The following CCDC171 variants were observed in gnomAD, a reference collection of about 807,000 sequenced individuals.
The protein encoded by CCDC171 is coiled-coil domain-containing protein 171.
CCDC171 carries 177 observed loss-of-function variants against 168.2 expected under a neutral mutation model. That is an observed-to-expected ratio of 1.05 (90% CI 0.93 to 1.19). The LOEUF (loss-of-function observed/expected upper bound fraction) is 1.19. Among genes scored for constraint, CCDC171 ranks in the 50% most tolerant of loss-of-function variants. CCDC171 has a pLI of 0.00. For synonymous variants in CCDC171, 687 were observed against 540.8 expected (o/e 1.27, Z -3.75); for missense variants, 1,991 against 1,539.0 (o/e 1.29, Z -4.91).
At chr9:15,851,253 A>C (rs1457975863) in intron 23 of CCDC171, among the ~76,000 whole-genome samples, 1 of 151,988 alleles carries the variant, frequency 6.6e-6, no homozygotes, top group Non-Finnish European at 1.5e-5. Context: ...TATTATTTTC[A>C]AAATTCCATT....
chr9:15,929,899 G>A lies in CCDC171; in HGVS notation c.3753+9477G>A, dbSNP rs112972305. Among the ~76,000 whole-genome samples the A allele has an allele frequency of 7.0e-3, 1,060 of 151,656 alleles. 9 individuals are homozygous for A. Among genetic ancestry groups the A allele is most frequent in the Non-Finnish European group, 9.7e-3 (660 of 67,752 alleles). On this transcript the variant is annotated intron_variant, in intron 25 of 25. Transcript: ENST00000380701. ...TGAGTTTTTTACCATTGACATTCTG[G>A]CATATTCTGACTCCTTCTGGTTTTT...
At chr9:15,769,846 C>T (rs1270811369) in intron 18 of CCDC171, among the ~76,000 whole-genome samples, 2 of 152,170 alleles carry the variant, frequency 1.3e-5, no homozygotes, top group African/African-American at 4.8e-5. Flanking sequence ...TTTGAAATAG[C>T]AGCCTTAAGC....
intron 1 of CCDC171, among the ~76,000 whole-genome samples, chr9:16,049,640 T>C (rs563811712): frequency 2.0e-5 from 3 of 152,132 alleles, no homozygotes; most frequent in African/African-American, 7.2e-5. Flanking sequence ...GACTGAGAGA[T>C]ACACCATCTG....
At position 15,819,878 on chromosome 9, in the gene CCDC171, A is replaced by G. The variant is rs1230094336; in HGVS notation, c.3268-26824A>G. Among the ~76,000 whole-genome samples, 6 of 118,238 alleles carry G rather than the reference A, an allele frequency of 5.1e-5. 3 individuals are homozygous for G. Among genetic ancestry groups the G allele is most frequent in the Non-Finnish European group, 7.6e-5 (4 of 52,596 alleles). 77.6% of individuals were successfully genotyped at this position (118,238 alleles called of 152,430 possible). A position where few individuals can be genotyped will look rare whatever the true frequency, so the allele number is the denominator to read the frequency against. ...ACAGAACTCTCCACCCCAAATCAAT[A>G]GAATACACATTCTTTTCAGCACCAC... On this transcript the variant is annotated intron_variant, in intron 21 of 25. Transcript: ENST00000380701.
rs143127625 is a variant in CCDC171 at position 15,889,848 on chromosome 9, A to G, written c.3600+15185A>G. 2.6e-3 allele frequency among the ~76,000 whole-genome samples: 397 copies of G among 152,310 alleles called. 2 individuals carry two copies. Among genetic ancestry groups the G allele is most frequent in the African/African-American group, 8.5e-3 (354 of 41,572 alleles). On this transcript the variant is annotated intron_variant, in intron 24 of 25. Transcript: ENST00000380701. The stretch of plus-strand genomic sequence containing the variant: ...GCTGGTATTCAGACAATTACTCTAG[A>G]TAGAGAGAGGAAGTCCTCTTGTTGT...
intron 21 of CCDC171, among the ~76,000 whole-genome samples, chr9:15,824,225 A>C (rs2059918410): frequency 6.6e-6 from 1 of 151,994 alleles, no homozygotes; most frequent in Admixed American, 6.6e-5. Context: ...ATATACATAC[A>C]CTCTACAGTT....
chr9:16,084,397 G>A, the CCDC171 span, among the ~76,000 whole-genome samples: 4 of 151,944 alleles, frequency 2.6e-5, no homozygotes, highest in Admixed American at 6.6e-5. Flanking sequence ...TTGGCATTCC[G>A]CACCTCTTCA....
chr9:15,824,228 C>G (rs531441294), intron 21 of CCDC171, among the ~76,000 whole-genome samples: 2 of 152,006 alleles, frequency 1.3e-5, no homozygotes, highest in South Asian at 2.1e-4. Context: ...TACATACACT[C>G]TACAGTTTAT....
intron 11 of CCDC171, among the ~76,000 whole-genome samples, chr9:15,702,997 G>A (rs2133906040): frequency 6.6e-6 from 1 of 151,912 alleles, no homozygotes; most frequent in East Asian, 1.9e-4. Flanking sequence ...TCCCTCTCCT[G>A]GGTTCAAGCG....
At chr9:15,604,411 T>C (rs2043076777) in intron 6 of CCDC171, among the ~76,000 whole-genome samples, 1 of 152,238 alleles carries the variant, frequency 6.6e-6, no homozygotes, top group Non-Finnish European at 1.5e-5. Context: ...TTTTTCCAGT[T>C]AATTTCACGT....
intron 4 of CCDC171, among the ~76,000 whole-genome samples, chr9:16,021,579 C>G (rs565652084): frequency 6.6e-6 from 1 of 152,244 alleles, no homozygotes; most frequent in Admixed American, 6.5e-5. Flanking sequence ...CAATAAATTG[C>G]TTAATCTCTC....
At chr9:16,108,493 G>A in the CCDC171 span, among the ~76,000 whole-genome samples, 97 of 152,228 alleles carry the variant, frequency 6.4e-4, no homozygotes, top group Non-Finnish European at 1.0e-3. Context: ...GCTCTGTGCC[G>A]CCCATAGGCA....
intron 6 of CCDC171, among the ~76,000 whole-genome samples, chr9:15,620,066 T>C (rs1042134272): frequency 1.3e-5 from 2 of 152,236 alleles, no homozygotes; most frequent in Non-Finnish European, 2.9e-5. Context: ...TTGTTAACAA[T>C]GCACTTGGTT....
chr9:15,599,393 C>T (rs2042648780), intron 6 of CCDC171, among the ~76,000 whole-genome samples: 1 of 152,122 alleles, frequency 6.6e-6, no homozygotes, highest in African/African-American at 2.4e-5. Flanking sequence ...TATTTTATTT[C>T]TCCTTCACTT....
At chr9:16,062,981 G>C (rs1399448034), downstream of CCDC171, among the ~76,000 whole-genome samples, 2 of 152,148 alleles carry the variant, frequency 1.3e-5, no homozygotes, top group Admixed American at 1.3e-4. Flanking sequence ...AGGAGAGGAA[G>C]AATGATGAGA....
chr9:15,616,622 T>C (rs2044103942), intron 6 of CCDC171, among the ~76,000 whole-genome samples: 3 of 152,104 alleles, frequency 2.0e-5, no homozygotes. Context: ...TGACTGAAAG[T>C]TGGAGATTAT....
At chr9:16,060,748 A>G (rs2026662) in exon 2 of CCDC171, 42,436 of 152,244 alleles carry the variant, frequency 0.28, 7,540 homozygotes, top group East Asian at 0.48. Flanking sequence ...GAGTTAGAAA[A>G]AAACATTTCT....
chr9:15,632,277 G>A (rs1176989041), intron 7 of CCDC171, among the ~76,000 whole-genome samples: 4 of 151,104 alleles, frequency 2.6e-5, no homozygotes, highest in East Asian at 2.0e-4. Flanking sequence ...AAACCCCATC[G>A]TCTCAGCCCA....
chr9:15,779,221 C>G (rs1031767049), intron 20 of CCDC171, 71 bp downstream of exon 20: 41 of 901,728 alleles, frequency 4.5e-5, no homozygotes, highest in Non-Finnish European at 5.5e-5. Context: ...TCCTTTTTTC[C>G]TTAACTTTTG....
Sources: gnomAD v4.1 joint callset for allele counts (sites outside exome capture counted in the v4.1 genomes callset) on GRCh38, gnomAD v4.1.1 for gene constraint, MANE v1.5 for transcripts, NCBI Gene and HGNC (gene_info 2026-07-23, HGNC 2026-07-21) for gene names.